Variants in ARRDC4 observed in about 807,000 individuals in gnomAD.
ARRDC4 encodes the protein arrestin domain containing 4, also known as arrestin domain-containing protein 4.
Under a neutral mutation model 44.6 loss-of-function variants are expected in ARRDC4, and 40 were observed. The observed-to-expected ratio is 0.90, with a 90% confidence interval of 0.70 to 1.17. The LOEUF (loss-of-function observed/expected upper bound fraction) is 1.17. Among genes scored for constraint, ARRDC4 ranks in the 50% most tolerant of loss-of-function variants. ARRDC4 has a pLI of 0.00. For missense variants in ARRDC4, 550 were observed against 559.1 expected, an observed-to-expected ratio of 0.98 and a Z score of 0.16; for synonymous variants, 211 against 221.2, an observed-to-expected ratio of 0.95 and a Z score of 0.41.
chr15:97,965,687 T>G lies in ARRDC4; in HGVS notation c.374+21T>G. Reference sequence around the variant, plus strand: ...TCTGAGTAAGTGAAACACTACAATTTTGTGGTTATCCTTCTCTGCAGTATG... The same window carrying G: ...TCTGAGTAAGTGAAACACTACAATTGTGTGGTTATCCTTCTCTGCAGTATG... On this transcript the variant is annotated intron_variant, in intron 2 of 7. Coordinates refer to ENST00000268042, the MANE Select transcript of ARRDC4 (RefSeq NM_183376.3). The surrounding 1 kb of genome is among the most constrained non-coding windows in gnomAD (Gnocchi z 5.1). The G allele has an allele frequency of 6.2e-7, 1 of 1,606,756 alleles. No individual in the cohort carries two copies. The highest frequency in any genetic ancestry group is 1.1e-5 in the South Asian group (1 of 90,898).
chr15:97,961,231 G>A (rs1899311215), intron 1 of ARRDC4, 63 bp downstream of exon 1: 1 of 1,323,878 alleles, frequency 7.6e-7, no homozygotes, highest in South Asian at 1.9e-5. Context: ...GGGGCTGGGA[G>A]GCCGCGCACC....
rs1899522329 is a variant in ARRDC4, at chr15:97,971,925, C to T, written c.*738C>T. The T allele has an allele frequency of 6.6e-6, 1 of 152,362 alleles. No individual in the cohort carries two copies. Among genetic ancestry groups the T allele is most frequent in the South Asian group, 2.1e-4 (1 of 4,820 alleles). 9.4% of individuals were successfully genotyped at this position (152,362 alleles called of 1,614,324 possible). A position where few individuals can be genotyped will look rare whatever the true frequency, so the allele number is the denominator to read the frequency against. ...TTTGTTGAGGGCTGTACTTTTTACC[C>T]CCTTTAAGTGCTTTAACAGGATATA... On this transcript the variant is annotated 3_prime_UTR_variant, in exon 8 of 8. Transcript: ENST00000268042.
Position 97,965,554 on chromosome 15 carries a change from C to G in ARRDC4, c.308-46C>G. On this transcript the variant is annotated intron_variant, in intron 1 of 7. Transcript: ENST00000268042. This position sits in a 1 kb window ranked among gnomAD's most constrained non-coding sequence, Gnocchi z 5.1. ...TATTTACATTGTGAAAACTCTTGAT[C>G]TAATACTAACTATCCTTCATTAAAA... 1 of 1,463,550 alleles carries G rather than the reference C, an allele frequency of 6.8e-7. No individual in the cohort carries two copies. Among genetic ancestry groups the G allele is most frequent in the Non-Finnish European group, 9.6e-7 (1 of 1,045,894 alleles). The allele number at this position is 1,463,550 out of a possible 1,614,324, so 90.7% of individuals were successfully genotyped here. A position where few individuals can be genotyped will look rare whatever the true frequency, so the allele number is the denominator to read the frequency against.
In ARRDC4 at chr15:97,968,079, G is replaced by C. The variant is rs768522440; in HGVS notation, c.588G>C (p.Ser196=). 12 of 1,602,318 alleles carry C rather than the reference G, an allele frequency of 7.5e-6. No individual in the cohort carries two copies. The highest frequency in any genetic ancestry group is 1.0e-5 in the Non-Finnish European group (12 of 1,174,136). ...GGTTTTTCACTTCTGGTCCAGTCTC[G>C]CTGAGTGCCAAAATTGAAAGAAAGG... ...GCWFFTSGPV[S]LSAKIERKGY... is the part of the protein sequence containing the mutation. The change falls in exon 4 of 8, where the codon TCG becomes TCC. Residue 196 remains serine, a synonymous_variant. Transcript: ENST00000268042. The surrounding 1 kb of genome is among the most constrained non-coding windows in gnomAD (Gnocchi z 5.4).
chr15:97,961,391 G>A (rs1899316843), intron 1 of ARRDC4, among the ~76,000 whole-genome samples: 2 of 152,224 alleles, frequency 1.3e-5, no homozygotes, highest in African/African-American at 4.8e-5. Flanking sequence ...ACCGGGACCA[G>A]TGGCTCGGGA....
Position 97,960,781 on chromosome 15 carries a change from G to T in ARRDC4, c.-81G>T. ...CGGCCTTACCCTGCCGCGAGCGCCT[G>T]TGACAGCGGCGCCGCTGTGCTCGCG... On this transcript the variant is annotated 5_prime_UTR_variant, in exon 1 of 8. Coordinates refer to ENST00000268042, the MANE Select transcript of ARRDC4 (RefSeq NM_183376.3). 1 of 1,212,028 alleles carries T rather than the reference G, an allele frequency of 8.3e-7. No homozygotes were observed. Among genetic ancestry groups the T allele is most frequent in the Non-Finnish European group, 1.0e-6 (1 of 964,124 alleles). The allele number at this position is 1,212,028 out of a possible 1,614,324, so 75.1% of individuals were successfully genotyped here.
In ARRDC4 at chr15:97,970,997, G is replaced by C. The variant is rs1364087905; in HGVS notation, c.1201-134G>C. The C allele has an allele frequency of 9.6e-7, 1 of 1,041,684 alleles. No homozygotes were observed. The highest frequency in any genetic ancestry group is 1.4e-6 in the Non-Finnish European group (1 of 693,728). 64.5% of individuals were successfully genotyped at this position (1,041,684 alleles called of 1,614,324 possible). A position where few individuals can be genotyped will look rare whatever the true frequency, so the allele number is the denominator to read the frequency against. ...GTGTTATTTGGCCATGGAATATAGAGAACTTAAGCACCTTCTGGGACTTAC... is the reference window on the plus strand; with the variant it reads ...GTGTTATTTGGCCATGGAATATAGACAACTTAAGCACCTTCTGGGACTTAC... On this transcript the variant is annotated intron_variant, in intron 7 of 7. Transcript: ENST00000268042. The surrounding 1 kb of genome is among the most constrained non-coding windows in gnomAD (Gnocchi z 4.2).
chr15:97,968,977 G>T lies in ARRDC4; in HGVS notation c.626-146G>T. The T allele has an allele frequency of 1.2e-6, 1 of 863,340 alleles. No individual in the cohort carries two copies. The highest frequency in any genetic ancestry group is 2.7e-5 in the Admixed American group (1 of 37,476). The allele number at this position is 863,340 out of a possible 1,614,324, so 53.5% of individuals were successfully genotyped here. On this transcript the variant is annotated intron_variant, in intron 4 of 7. Coordinates refer to ENST00000268042, the MANE Select transcript of ARRDC4 (RefSeq NM_183376.3). This position sits in a 1 kb window ranked among gnomAD's most constrained non-coding sequence, Gnocchi z 5.4. ...ACCTGCAGTGAATTTTTATTTCTCT[G>T]GCTTGAATTTACAATATGTTTTCCA...
chr15:97,973,544 A>G lies in ARRDC4; in HGVS notation c.*2357A>G, dbSNP rs1015198881. 3.3e-4 allele frequency: 51 copies of G among 152,566 alleles called. No homozygotes were observed. The highest frequency in any genetic ancestry group is 8.4e-4 in the African/African-American group (35 of 41,438). 9.5% of individuals were successfully genotyped at this position (152,566 alleles called of 1,614,324 possible). On this transcript the variant is annotated 3_prime_UTR_variant, in exon 8 of 8. Transcript: ENST00000268042. Reference sequence around the variant, plus strand: ...GGTTATTCCCCTCTTGCTCTTCTTTAGTTTGAAAAAACAAAAACGTGGCCT... The same window carrying G: ...GGTTATTCCCCTCTTGCTCTTCTTTGGTTTGAAAAAACAAAAACGTGGCCT...
Position 97,968,064 on chromosome 15 carries a change from T to C in ARRDC4, c.573T>C (p.Thr191=). The stretch of plus-strand genomic sequence containing the variant: ...AAATGGTTGGCTGTTGGTTTTTCAC[T>C]TCTGGTCCAGTCTCGCTGAGTGCCA... ...QEKMVGCWFF[T]SGPVSLSAKI... The change falls in exon 4 of 8, where the codon ACT becomes ACC. Residue 191 remains threonine (T), a synonymous_variant. Transcript: ENST00000268042. This position sits in a 1 kb window ranked among gnomAD's most constrained non-coding sequence, Gnocchi z 5.4. The C allele has an allele frequency of 1.2e-6, 2 of 1,601,410 alleles. No individual in the cohort carries two copies. The highest frequency in any genetic ancestry group is 2.3e-5 in the East Asian group (1 of 44,002).
intron 1 of ARRDC4, among the ~76,000 whole-genome samples, chr15:97,961,531 A>T (rs1275557961): frequency 3.3e-5 from 5 of 152,154 alleles, no homozygotes; most frequent in African/African-American, 7.2e-5. Flanking sequence ...GGCGGCTATG[A>T]GGTTCCATTC....
intron 5 of ARRDC4, 21 bp from the exon 6 acceptor site, chr15:97,969,854 CTCTTTTTT>C: frequency 1.5e-6 from 2 of 1,375,998 alleles, no homozygotes; most frequent in South Asian, 2.7e-5. Context: ...TTGTTCCTTT[CTCTTTTTT>C]TTTTTTTTTT....
Position 97,960,786 on chromosome 15 carries a change from A to G in ARRDC4, c.-76A>G. 5 of 1,222,134 alleles carry G rather than the reference A, an allele frequency of 4.1e-6. No individual in the cohort carries two copies. Among genetic ancestry groups the G allele is most frequent in the Non-Finnish European group, 5.1e-6 (5 of 973,406 alleles). 75.7% of individuals were successfully genotyped at this position (1,222,134 alleles called of 1,614,324 possible). A position where few individuals can be genotyped will look rare whatever the true frequency, so the allele number is the denominator to read the frequency against. ...TTACCCTGCCGCGAGCGCCTGTGAC[A>G]GCGGCGCCGCTGTGCTCGCGACCCC... is the stretch of plus-strand genomic sequence containing the variant. On this transcript the variant is annotated 5_prime_UTR_variant, in exon 1 of 8. Transcript: ENST00000268042.
Position 97,966,054 on chromosome 15 carries a change from C to T in ARRDC4, c.522+12C>T, listed in dbSNP as rs1447633799. ...CACCAGCATTATTAGTAAGTTCTTC[C>T]TTTTTCTCTTCCTCCTCCTTTTCCT... On this transcript the variant is annotated intron_variant, in intron 3 of 7. Coordinates refer to ENST00000268042, the MANE Select transcript of ARRDC4 (RefSeq NM_183376.3). The surrounding 1 kb of genome is among the most constrained non-coding windows in gnomAD (Gnocchi z 4.7). 6.2e-7 allele frequency: 1 copy of T among 1,613,696 alleles called. No homozygotes were observed. The highest frequency in any genetic ancestry group is 8.5e-7 in the Non-Finnish European group (1 of 1,179,750).
At position 97,966,058 on chromosome 15, in the gene ARRDC4, T is replaced by A. The variant is rs767042279; in HGVS notation, c.522+16T>A. Reference sequence around the variant, plus strand: ...AGCATTATTAGTAAGTTCTTCCTTTTTCTCTTCCTCCTCCTTTTCCTCCTT... The same window carrying A: ...AGCATTATTAGTAAGTTCTTCCTTTATCTCTTCCTCCTCCTTTTCCTCCTT... On this transcript the variant is annotated intron_variant, in intron 3 of 7. Coordinates refer to ENST00000268042, the MANE Select transcript of ARRDC4 (RefSeq NM_183376.3). This position sits in a 1 kb window ranked among gnomAD's most constrained non-coding sequence, Gnocchi z 4.7. 3 of 1,613,508 alleles carry A rather than the reference T, an allele frequency of 1.9e-6. No homozygotes were observed. In the African/African-American group the frequency reaches 4.0e-5, roughly 22 times the overall value.
chr15:97,960,959 C>T lies in ARRDC4; in HGVS notation c.98C>T (p.Ser33Phe), dbSNP rs1313400308. 4 of 1,468,374 alleles carry T rather than the reference C, an allele frequency of 2.7e-6. No individual in the cohort carries two copies. The highest frequency in any genetic ancestry group is 9.0e-7 in the Non-Finnish European group (1 of 1,108,398). 91.0% of individuals were successfully genotyped at this position (1,468,374 alleles called of 1,614,324 possible). Residue 33 changes from serine to phenylalanine, a missense_variant, in exon 1 of 8, where the codon TCC becomes TTC. Ser to Phe is a radical substitution (Grantham distance 155, BLOSUM62 -2). Transcript: ENST00000268042. ...GAGGACGAGCGCAAGGGCTGCTATT[C>T]CAGCGGCGAGACAGTGGCCGGGCAC... Reference protein sequence around the residue: ...VFEDERKGCYSSGETVAGHVL... With the variant: ...VFEDERKGCYFSGETVAGHVL...
rs1372638216 is a variant in ARRDC4, at chr15:97,961,029, C to G, written c.168C>G (p.Arg56=). 7.0e-7 allele frequency: 1 copy of G among 1,436,512 alleles called. No individual in the cohort carries two copies. Among genetic ancestry groups the G allele is most frequent in the African/African-American group, 1.5e-5 (1 of 67,688 alleles). The allele number at this position is 1,436,512 out of a possible 1,614,324, so 89.0% of individuals were successfully genotyped here. The stretch of plus-strand genomic sequence containing the variant: ...AGCCGGTGGCCCTGCGCGCGCTGCG[C>G]CTGGAGGCCCAGGGGCGCGCCACCG... ...ASEPVALRAL[R]LEAQGRATAA... The change falls in exon 1 of 8, where the codon CGC becomes CGG. Residue 56 remains arginine, a synonymous_variant. Coordinates refer to ENST00000268042, the MANE Select transcript of ARRDC4 (RefSeq NM_183376.3).
At position 97,970,377 on chromosome 15, in the gene ARRDC4, ATC is replaced by A. The variant is rs1314860038; in HGVS notation, c.1046-209_1046-208del. On this transcript the variant is annotated intron_variant, in intron 6 of 7. Coordinates refer to ENST00000268042, the MANE Select transcript of ARRDC4 (RefSeq NM_183376.3). This position sits in a 1 kb window ranked among gnomAD's most constrained non-coding sequence, Gnocchi z 4.2. ...ATTTCAGTGATATTTGTTTACCTAT[ATC>A]TCAAGAGACTAGAATAGAAGCTATT... 6.6e-6 allele frequency among the ~76,000 whole-genome samples: 1 copy of A among 152,202 alleles called. No homozygotes were observed. The highest frequency in any genetic ancestry group is 1.5e-5 in the Non-Finnish European group (1 of 68,022).
At position 97,961,096 on chromosome 15, in the gene ARRDC4, A is replaced by T. The variant is rs12101554; in HGVS notation, c.235A>T (p.Thr79Ser). 1.4e-6 allele frequency: 2 copies of T among 1,444,024 alleles called. No homozygotes were observed. Among genetic ancestry groups the T allele is most frequent in the Non-Finnish European group, 1.8e-6 (2 of 1,105,322 alleles). The allele number at this position is 1,444,024 out of a possible 1,614,324, so 89.5% of individuals were successfully genotyped here. Reference sequence around the variant, plus strand: ...CACCTGCCCCCGCGCCTCGGCCAGCACCGCGGCCCTGGCTGTCTTCTCGGA... The same window carrying T: ...CACCTGCCCCCGCGCCTCGGCCAGCTCCGCGGCCCTGGCTGTCTTCTCGGA... ...PSTCPRASAS[T>S]AALAVFSEVE... is the part of the protein sequence containing the mutation. Residue 79 changes from threonine to serine, a missense_variant, in exon 1 of 8, where the codon ACC becomes TCC. Transcript: ENST00000268042.
Sources: allele counts gnomAD v4.1 joint callset (sites outside exome capture counted in the v4.1 genomes callset), GRCh38; gene constraint gnomAD v4.1.1; non-coding constraint Gnocchi (gnomAD v3.1); transcripts MANE v1.5; gene names NCBI Gene and HGNC (gene_info 2026-07-23, HGNC 2026-07-21).